CACNA1E: variants seen among roughly 807,000 people sequenced by gnomAD.
CACNA1E encodes calcium voltage-gated channel subunit alpha1 E.
In CACNA1E, 40 loss-of-function variants were observed where a neutral mutation model predicts 259.2. The ratio of observed to expected loss-of-function variants is 0.15; its 90% confidence interval spans 0.12 to 0.20. The LOEUF is 0.20. CACNA1E is among the 10% of genes least tolerant of loss of function. The probability of loss-of-function intolerance (pLI) is 1.00; values close to 1 mark genes in which losing one functional copy is unlikely to be tolerated. For synonymous variants in CACNA1E, 1,104 were observed against 1,138.5 expected (o/e 0.97, Z 0.61); for missense variants, 1,874 against 3,040.1 (o/e 0.62, Z 9.02).
chr1:181,419,291 C>T (rs1351052163), intron 2 of CACNA1E, among the ~76,000 whole-genome samples: 1 of 152,220 alleles, frequency 6.6e-6, no homozygotes, highest in East Asian at 1.9e-4. Flanking sequence ...TTAACTCATT[C>T]TGCACTGGCT....
chr1:181,578,211 G>A (rs1404809633), intron 4 of CACNA1E, among the ~76,000 whole-genome samples: 1 of 152,034 alleles, frequency 6.6e-6, no homozygotes, highest in African/African-American at 2.4e-5. Flanking sequence ...AAATCGTTAT[G>A]TAGATTGTAG....
chr1:181,386,648 G>A (rs774398257), intron 1 of CACNA1E, among the ~76,000 whole-genome samples: 1 of 152,222 alleles, frequency 6.6e-6, no homozygotes. Context: ...CTGAGGAACT[G>A]AGTTTTAAAT....
At chr1:181,435,065 C>T (rs972102492) in intron 2 of CACNA1E, among the ~76,000 whole-genome samples, 3 of 152,208 alleles carry the variant, frequency 2.0e-5, no homozygotes, top group African/African-American at 7.2e-5. Flanking sequence ...CTGCATTTAA[C>T]ACCATCTAAA....
At chr1:181,363,715 C>G (rs765245893) in intron 1 of CACNA1E, among the ~76,000 whole-genome samples, 2 of 152,160 alleles carry the variant, frequency 1.3e-5, no homozygotes, top group African/African-American at 4.8e-5. Context: ...AAGAGACTCC[C>G]CTGGTCTCTG....
chr1:181,444,515 A>G (rs1332440127), intron 2 of CACNA1E, among the ~76,000 whole-genome samples: 3 of 152,108 alleles, frequency 2.0e-5, no homozygotes. Context: ...AGGAAAGAGA[A>G]GGGAGGACTC....
chr1:181,795,129 C>A, intron 46 of CACNA1E, 85 bp downstream of exon 46: 1 of 1,146,280 alleles, frequency 8.7e-7, no homozygotes, highest in Non-Finnish European at 1.2e-6. Context: ...CTGTAGATAA[C>A]CAGAAAAGAA....
intron 1 of CACNA1E, among the ~76,000 whole-genome samples, chr1:181,486,781 C>G (rs1163680961): frequency 6.6e-6 from 1 of 152,138 alleles, no homozygotes; most frequent in Non-Finnish European, 1.5e-5. Flanking sequence ...TGGCATCTTT[C>G]AGAAATTTCA....
At chr1:181,755,001 T>C (rs1390826780) in intron 27 of CACNA1E, among the ~76,000 whole-genome samples, 6 of 152,228 alleles carry the variant, frequency 3.9e-5, no homozygotes, top group Admixed American at 1.3e-4. Context: ...GCGTTGGGTC[T>C]ACATTCAGTT....
intron 1 of CACNA1E, among the ~76,000 whole-genome samples, chr1:181,378,421 G>A (rs1655244509): frequency 6.6e-6 from 1 of 152,240 alleles, no homozygotes; most frequent in Non-Finnish European, 1.5e-5. Flanking sequence ...CTGCATTTCA[G>A]GGAATAGGAA....
chr1:181,772,297 C>G, intron 37 of CACNA1E, 66 bp downstream of exon 37: 1 of 1,493,504 alleles, frequency 6.7e-7, no homozygotes, highest in Admixed American at 1.8e-5. Flanking sequence ...CCCTCTGATA[C>G]ATAGACCGGA....
At chr1:181,400,267 A>T (rs1442486044) in intron 1 of CACNA1E, among the ~76,000 whole-genome samples, 1 of 152,230 alleles carries the variant, frequency 6.6e-6, no homozygotes, top group East Asian at 1.9e-4. Context: ...CCTTATTTCT[A>T]GCCAGAGGTT....
intron 3 of CACNA1E, among the ~76,000 whole-genome samples, chr1:181,514,826 G>GTGACCTC (rs1666441742): frequency 6.6e-6 from 1 of 152,190 alleles, no homozygotes. Flanking sequence ...CATTCTGCCT[G>GTGACCTC]TGACCTCTGA....
intron 43 of CACNA1E, among the ~76,000 whole-genome samples, chr1:181,789,787 G>T (rs10910987): frequency 0.066 from 10,066 of 152,244 alleles, 500 homozygotes; most frequent in East Asian, 0.23. Context: ...TTCCCTTGGA[G>T]GCCTCTAAAC....
chr1:181,591,504 T>C (rs1228662819), intron 6 of CACNA1E, among the ~76,000 whole-genome samples: 1 of 152,096 alleles, frequency 6.6e-6, no homozygotes, highest in Non-Finnish European at 1.5e-5. Flanking sequence ...ATTTTTATCT[T>C]CCAGAAAACA....
At chr1:181,631,651 A>G (rs1656754815) in intron 6 of CACNA1E, among the ~76,000 whole-genome samples, 1 of 152,162 alleles carries the variant, frequency 6.6e-6, no homozygotes, top group African/African-American at 2.4e-5. Context: ...CCTCAGTGGG[A>G]TGGTGCTTGT....
chr1:181,398,436 A>G (rs993164308), intron 1 of CACNA1E, among the ~76,000 whole-genome samples: 4 of 152,232 alleles, frequency 2.6e-5, no homozygotes, highest in Non-Finnish European at 4.4e-5. Context: ...TAATAAATCT[A>G]TTGGAGGAAA....
chr1:181,732,171 A>C lies in CACNA1E; in HGVS notation c.2298-213A>C, dbSNP rs373849180. On this transcript the variant is annotated intron_variant, in intron 19 of 47. Transcript: ENST00000367573. The surrounding 1 kb of genome is among the most constrained non-coding windows in gnomAD (Gnocchi z 5.5). ...GCTACTACAAAGCAGGGATTGGAGC[A>C]GAAAGTACCTGGGCTGGGAGGCACC... 6.6e-6 allele frequency among the ~76,000 whole-genome samples: 1 copy of C among 152,108 alleles called. No individual in the cohort carries two copies. Among genetic ancestry groups the C allele is most frequent in the African/African-American group, 2.4e-5 (1 of 41,442 alleles).
At chr1:181,611,743 C>T (rs765480951) in intron 6 of CACNA1E, among the ~76,000 whole-genome samples, 2 of 152,108 alleles carry the variant, frequency 1.3e-5, no homozygotes, top group Non-Finnish European at 2.9e-5. Context: ...ATGTTTACTG[C>T]CATAGTTACT....
At chr1:181,655,284 G>A (rs1439837296) in intron 7 of CACNA1E, among the ~76,000 whole-genome samples, 2 of 152,090 alleles carry the variant, frequency 1.3e-5, no homozygotes, top group Non-Finnish European at 2.9e-5. Flanking sequence ...ATGACTAATG[G>A]AAAGTGAGAA....
Sources: allele counts gnomAD v4.1 joint callset (sites outside exome capture counted in the v4.1 genomes callset), GRCh38; gene constraint gnomAD v4.1.1; non-coding constraint Gnocchi (gnomAD v3.1); transcripts MANE v1.5; gene names NCBI Gene and HGNC (gene_info 2026-07-23, HGNC 2026-07-21).